The following PPP2R1B variants were observed in gnomAD, a reference collection of about 807,000 sequenced individuals.
The protein encoded by PPP2R1B is serine/threonine-protein phosphatase 2A 65 kDa regulatory subunit A beta isoform.
A neutral mutation model predicts 72.7 loss-of-function variants in PPP2R1B; 58 were observed. The ratio of observed to expected loss-of-function variants is 0.80; its 90% CI spans 0.65 to 0.99. The LOEUF (loss-of-function observed/expected upper bound fraction) is 0.99. Among genes scored for constraint, PPP2R1B ranks in the 50% least tolerant of loss-of-function variants. The pLI is 0.00. For synonymous variants in PPP2R1B, 256 were observed against 264.6 expected (o/e 0.97, Z 0.32); for missense variants, 695 against 733.6 (o/e 0.95, Z 0.61).
At chr11:111,699,839 T>A in the PPP2R1B span, among the ~76,000 whole-genome samples, 1 of 152,150 alleles carries the variant, frequency 6.6e-6, no homozygotes, top group Non-Finnish European at 1.5e-5. Flanking sequence ...CAAAGACTGA[T>A]CCAAAGTCAC....
chr11:111,746,430 C>T (rs1312529666), intron 11 of PPP2R1B, among the ~76,000 whole-genome samples: 2 of 152,014 alleles, frequency 1.3e-5, no homozygotes, highest in South Asian at 4.2e-4. Flanking sequence ...ACAATCAGAA[C>T]ACATGAATAC....
chr11:111,721,088 A>G, the PPP2R1B span: 16 of 1,597,018 alleles, frequency 1.0e-5, no homozygotes, highest in African/African-American at 2.7e-5. Flanking sequence ...CCTTCCCTCA[A>G]TGGCTCTGTG....
chr11:111,714,925 A>G, the PPP2R1B span, among the ~76,000 whole-genome samples: 1 of 152,222 alleles, frequency 6.6e-6, no homozygotes, highest in Admixed American at 6.5e-5. Flanking sequence ...TAAAGATGTA[A>G]TTCCCTCAAA....
At chr11:111,747,216 C>G (rs1021483355) in intron 11 of PPP2R1B, among the ~76,000 whole-genome samples, 1 of 152,246 alleles carries the variant, frequency 6.6e-6, no homozygotes. Flanking sequence ...TAAGACAACA[C>G]TGAAGCTGTC....
At chr11:111,731,865 G>A (rs779063383) in intron 15 of PPP2R1B, among the ~76,000 whole-genome samples, 2 of 152,196 alleles carry the variant, frequency 1.3e-5, no homozygotes, top group Admixed American at 6.5e-5. Flanking sequence ...CAGTAACAAT[G>A]TTTTCCCTTT....
At chr11:111,689,853 CAT>C in the PPP2R1B span, among the ~76,000 whole-genome samples, 1 of 151,934 alleles carries the variant, frequency 6.6e-6, no homozygotes, top group South Asian at 2.1e-4. Flanking sequence ...GTCAATATTA[CAT>C]ATGTTACAGG....
chr11:111,690,766 T>C, the PPP2R1B span, among the ~76,000 whole-genome samples: 8 of 152,358 alleles, frequency 5.3e-5, no homozygotes, highest in Admixed American at 1.3e-4. Flanking sequence ...GCTTCATCCA[T>C]GTCCCTGCAA....
At chr11:111,694,185 A>C in the PPP2R1B span, among the ~76,000 whole-genome samples, 1 of 152,200 alleles carries the variant, frequency 6.6e-6, no homozygotes, top group African/African-American at 2.4e-5. Context: ...TTCCCTGTGA[A>C]AACAAAGCCT....
rs1555048245 is a variant in PPP2R1B, at chr11:111,752,333, C to G, written c.1165-1G>C. The G allele has an allele frequency of 6.2e-7, 1 of 1,602,054 alleles. No homozygotes were observed. Among genetic ancestry groups the G allele is most frequent in the South Asian group, 1.1e-5 (1 of 89,260 alleles). ...TGATATTCAAACGAACGTCAGGACACTGCAAGTACACAAGCCCCAAAAGAC... is the reference window on the plus strand; with the variant it reads ...TGATATTCAAACGAACGTCAGGACAGTGCAAGTACACAAGCCCCAAAAGAC... On this transcript the variant is annotated splice_acceptor_variant, in intron 9 of 14. Transcript: ENST00000527614. LOFTEE classifies it high-confidence loss of function.
chr11:111,765,592 G>C (rs890238049), intron 1 of PPP2R1B, among the ~76,000 whole-genome samples: 1 of 152,164 alleles, frequency 6.6e-6, no homozygotes, highest in Non-Finnish European at 1.5e-5. Context: ...TTTCCCAGGA[G>C]AAACACTCAG....
rs560349503 is a variant in PPP2R1B at position 111,738,922 on chromosome 11, G to C, written c.*2674C>G. 3 of 978,838 alleles carry C rather than the reference G, an allele frequency of 3.1e-6. No homozygotes were observed. Among genetic ancestry groups the C allele is most frequent in the African/African-American group, 3.7e-5 (2 of 53,768 alleles). 60.6% of individuals were successfully genotyped at this position (978,838 alleles called of 1,614,324 possible). The stretch of plus-strand genomic sequence containing the variant: ...TGTGTGTGTGTGTGTGTGTGTGTGT[G>C]TGTCTGCTTCATTTTTCTAATCAAA... On this transcript the variant is annotated 3_prime_UTR_variant, in exon 15 of 15. Transcript: ENST00000527614.
chr11:111,761,561 A>G (rs1331074368), intron 3 of PPP2R1B, among the ~76,000 whole-genome samples: 1 of 152,152 alleles, frequency 6.6e-6, no homozygotes, highest in African/African-American at 2.4e-5. Flanking sequence ...CTTTTATCCA[A>G]CCTATAAAAT....
chr11:111,719,574 G>A, the PPP2R1B span, among the ~76,000 whole-genome samples: 2 of 152,204 alleles, frequency 1.3e-5, no homozygotes, highest in East Asian at 3.9e-4. Flanking sequence ...GGTCATCATG[G>A]GCTTCTGTCT....
chr11:111,734,913 T>C (rs118006092), downstream of PPP2R1B, among the ~76,000 whole-genome samples: 1,118 of 152,232 alleles, frequency 7.3e-3, 8 homozygotes, highest in Middle Eastern at 0.054. Flanking sequence ...CTAGGACAAG[T>C]GAGGTTCCTG....
At chr11:111,742,167 G>A (rs756217230) in intron 13 of PPP2R1B, 23 bp from the exon 14 acceptor site, 31 of 1,565,392 alleles carry the variant, frequency 2.0e-5, no homozygotes, top group Non-Finnish European at 2.7e-5. Context: ...AGTATTATCT[G>A]TGAAAGACAG....
At chr11:111,723,958 T>G (rs746271291), downstream of PPP2R1B, 77 of 1,614,026 alleles carry the variant, frequency 4.8e-5, no homozygotes, top group Middle Eastern at 6.6e-4. Flanking sequence ...ATCCTGTGGA[T>G]GGAGCCCAGC....
chr11:111,711,187 T>C, the PPP2R1B span, among the ~76,000 whole-genome samples: 21 of 151,854 alleles, frequency 1.4e-4, no homozygotes, highest in African/African-American at 4.8e-4. Context: ...GGCGGGATCT[T>C]GGCTCACTGC....
chr11:111,755,715 G>A (rs1040862131), intron 5 of PPP2R1B, among the ~76,000 whole-genome samples: 3 of 150,520 alleles, frequency 2.0e-5, no homozygotes, highest in African/African-American at 7.3e-5. Flanking sequence ...TCAGCCTCCC[G>A]AGTAGCTGGG....
chr11:111,754,155 A>G (rs1945015021), intron 8 of PPP2R1B, among the ~76,000 whole-genome samples: 1 of 152,096 alleles, frequency 6.6e-6, no homozygotes, highest in South Asian at 2.1e-4. Context: ...GGGCTCAAGA[A>G]ATCCTCCCAC....
Sources: gnomAD v4.1 joint callset for allele counts (sites outside exome capture counted in the v4.1 genomes callset) on GRCh38, gnomAD v4.1.1 for gene constraint, MANE v1.5 for transcripts, NCBI Gene and HGNC (gene_info 2026-07-23, HGNC 2026-07-21) for gene names.